LRP1B: variants seen among roughly 807,000 people sequenced by gnomAD.
LRP1B encodes low-density lipoprotein receptor-related protein 1B.
In LRP1B, 217 loss-of-function variants were observed where a neutral mutation model predicts 556.6. That is an observed-to-expected ratio of 0.39 (90% CI 0.35 to 0.44). The LOEUF (loss-of-function observed/expected upper bound fraction) is 0.44. LRP1B is among the 20% of genes least tolerant of loss of function. LRP1B has a pLI of 1.00. For missense variants in LRP1B, 5,053 were observed against 5,620.8 expected (o/e 0.90, Z 3.23); for synonymous variants, 2,047 against 1,865.8 (o/e 1.10, Z -2.50).
chr2:141,731,586 C>G (rs995966747), intron 2 of LRP1B, among the ~76,000 whole-genome samples: 37 of 152,260 alleles, frequency 2.4e-4, no homozygotes, highest in African/African-American at 8.9e-4. Flanking sequence ...TTCACAGCAG[C>G]CAGGCCCATT....
chr2:141,062,342 T>TA (rs1699359261), intron 7 of LRP1B, 69 bp from the exon 8 acceptor site: 2 of 1,000,938 alleles, frequency 2.0e-6, no homozygotes, highest in Non-Finnish European at 3.0e-6. Flanking sequence ...GAGCCATCTG[T>TA]AAAAAACAGA....
chr2:141,884,741 T>A (rs770445977), intron 1 of LRP1B, among the ~76,000 whole-genome samples: 3 of 152,224 alleles, frequency 2.0e-5, no homozygotes, highest in Non-Finnish European at 2.9e-5. Context: ...ATGTGGATAG[T>A]CTTCCTCAAA....
At chr2:140,492,808 G>C in intron 56 of LRP1B, 115 bp from the exon 57 acceptor site, 1 of 709,706 alleles carries the variant, frequency 1.4e-6, no homozygotes, top group East Asian at 2.6e-5. Flanking sequence ...TGATCTGGTA[G>C]CTTCAGGGTT....
chr2:141,162,655 AC>A (rs1285856341), intron 7 of LRP1B, among the ~76,000 whole-genome samples: 5 of 152,102 alleles, frequency 3.3e-5, no homozygotes, highest in Non-Finnish European at 7.4e-5. Flanking sequence ...ACACAAAATA[AC>A]TAAAGAGACT....
chr2:140,422,758 G>A (rs1685498834), intron 66 of LRP1B, among the ~76,000 whole-genome samples: 1 of 152,150 alleles, frequency 6.6e-6, no homozygotes, highest in Non-Finnish European at 1.5e-5. Context: ...TTGTTTTCTT[G>A]TTTAGATCGG....
At chr2:140,403,002 T>C (rs1435205598) in intron 66 of LRP1B, among the ~76,000 whole-genome samples, 1 of 151,966 alleles carries the variant, frequency 6.6e-6, no homozygotes, top group African/African-American at 2.4e-5. Flanking sequence ...GAGGAAACCA[T>C]CATACAAAGA....
At chr2:141,969,102 A>T (rs1419119850) in intron 1 of LRP1B, among the ~76,000 whole-genome samples, 1 of 149,302 alleles carries the variant, frequency 6.7e-6, no homozygotes. Flanking sequence ...AACATATTCT[A>T]GTTGTTTCTG....
chr2:141,544,352 C>CTTCTTCTTCTTCTT (rs1559131385), intron 2 of LRP1B, among the ~76,000 whole-genome samples: 17 of 89,638 alleles, frequency 1.9e-4, no homozygotes, highest in Admixed American at 6.7e-4. Context: ...TCTTCTTCTT[C>CTTCTTCTTCTTCTT]TTCTTCTTCT....
intron 7 of LRP1B, among the ~76,000 whole-genome samples, chr2:141,068,299 G>A (rs1699536701): frequency 6.6e-6 from 1 of 151,874 alleles, no homozygotes; most frequent in Admixed American, 6.6e-5. Context: ...GAAAGAGAAA[G>A]GAAAATAGTT....
chr2:140,561,446 T>G (rs1680927196), intron 43 of LRP1B, among the ~76,000 whole-genome samples: 1 of 152,170 alleles, frequency 6.6e-6, no homozygotes, highest in African/African-American at 2.4e-5. Flanking sequence ...ATGAATCATT[T>G]TCCTTGTGTC....
intron 11 of LRP1B, among the ~76,000 whole-genome samples, chr2:141,040,135 C>T (rs1273164609): frequency 6.6e-6 from 1 of 151,972 alleles, no homozygotes; most frequent in East Asian, 1.9e-4. Flanking sequence ...GACAAATGTA[C>T]TCATTATTTC....
chr2:141,795,876 ATATATATATATATATATATATATAATC>A (rs1332189182), intron 2 of LRP1B, among the ~76,000 whole-genome samples: 1 of 70,494 alleles, frequency 1.4e-5, no homozygotes, highest in East Asian at 6.7e-4. Flanking sequence ...ATATATATAT[ATATATATATATATATATATATATAATC>A]TTTAAGCAAA....
At chr2:141,098,861 T>C (rs1700389130) in intron 7 of LRP1B, among the ~76,000 whole-genome samples, 1 of 152,192 alleles carries the variant, frequency 6.6e-6, no homozygotes, top group Non-Finnish European at 1.5e-5. Context: ...TTCTCCATGT[T>C]GGTCAGGCTG....
intron 9 of LRP1B, among the ~76,000 whole-genome samples, chr2:141,058,617 A>G (rs1040357531): frequency 2.0e-5 from 3 of 151,884 alleles, no homozygotes; most frequent in African/African-American, 7.2e-5. Flanking sequence ...TCCTGTCTAC[A>G]TTCATCACGA....
chr2:141,205,286 G>C (rs907515004), intron 6 of LRP1B, among the ~76,000 whole-genome samples: 1 of 152,096 alleles, frequency 6.6e-6, no homozygotes, highest in African/African-American at 2.4e-5. Flanking sequence ...TTGATAACTT[G>C]TATAATTCGA....
chr2:141,659,459 A>G (rs1486222033), intron 2 of LRP1B, among the ~76,000 whole-genome samples: 1 of 152,122 alleles, frequency 6.6e-6, no homozygotes, highest in Non-Finnish European at 1.5e-5. Context: ...AGAAGACAAC[A>G]TTTTGCAGTT....
chr2:141,150,595 C>A (rs1343029902), intron 7 of LRP1B, among the ~76,000 whole-genome samples: 1 of 152,138 alleles, frequency 6.6e-6, no homozygotes, highest in East Asian at 1.9e-4. Context: ...CAGCTTGAAT[C>A]ACATGAAGTA....
intron 7 of LRP1B, among the ~76,000 whole-genome samples, chr2:141,180,869 G>A (rs1680958529): frequency 6.6e-6 from 1 of 151,930 alleles, no homozygotes; most frequent in African/African-American, 2.4e-5. Flanking sequence ...ATTTTGAGCA[G>A]GCTCATCTAA....
intron 10 of LRP1B, among the ~76,000 whole-genome samples, chr2:141,052,563 T>C (rs1426719352): frequency 6.6e-6 from 1 of 152,076 alleles, no homozygotes; most frequent in African/African-American, 2.4e-5. Flanking sequence ...AAAAGTAAAG[T>C]AGGATAACTT....
Sources: allele counts gnomAD v4.1 joint callset (sites outside exome capture counted in the v4.1 genomes callset), GRCh38; gene constraint gnomAD v4.1.1; transcripts MANE v1.5; gene names NCBI Gene and HGNC (gene_info 2026-07-23, HGNC 2026-07-21).